The following RFC1 variants were observed in gnomAD, a reference collection of about 807,000 sequenced individuals.
RFC1 encodes A1 140 kDa subunit.
A neutral mutation model predicts 137.4 loss-of-function variants in RFC1; 37 were observed. The ratio of observed to expected loss-of-function variants is 0.27; its 90% CI spans 0.21 to 0.35. RFC1 has a LOEUF of 0.35. RFC1 is among the 10% of genes least tolerant of loss of function. The pLI, the probability that RFC1 is intolerant of heterozygous loss-of-function variation, is 1.00. For missense variants in RFC1, 1,205 were observed against 1,358.5 expected, an observed-to-expected ratio of 0.89 and a Z score of 1.78; for synonymous variants, 429 against 455.7, an observed-to-expected ratio of 0.94 and a Z score of 0.75.
intron 7 of RFC1, 155 bp from the exon 8 acceptor site, chr4:39,321,529 G>GCC (rs912003626): frequency 5.2e-6 from 3 of 581,386 alleles, no homozygotes; most frequent in Non-Finnish European, 8.9e-6. Context: ...AATTTCCAAG[G>GCC]CAAATGAGGC....
At chr4:39,316,267 A>C (rs1739237098) in intron 10 of RFC1, among the ~76,000 whole-genome samples, 1 of 152,140 alleles carries the variant, frequency 6.6e-6, no homozygotes, top group Non-Finnish European at 1.5e-5. Context: ...TCTTAGACAA[A>C]AGTCTTAAAC....
intron 2 of RFC1, among the ~76,000 whole-genome samples, chr4:39,350,340 T>C (rs1257193942): frequency 1.3e-5 from 2 of 152,110 alleles, no homozygotes; most frequent in East Asian, 1.9e-4. Flanking sequence ...GAAGAAATTA[T>C]AGCAAAATGT....
At chr4:39,304,637 C>T (rs1327179711) in intron 15 of RFC1, among the ~76,000 whole-genome samples, 177 bp downstream of exon 15, 1 of 152,124 alleles carries the variant, frequency 6.6e-6, no homozygotes, top group Non-Finnish European at 1.5e-5. Context: ...CTAAGACCTA[C>T]GAAAGGGTAA....
chr4:39,300,966 G>A (rs1329099565), intron 19 of RFC1, among the ~76,000 whole-genome samples: 1 of 151,828 alleles, frequency 6.6e-6, no homozygotes, highest in Non-Finnish European at 1.5e-5. Context: ...GGTGGCAGGT[G>A]CCTGTAACCC....
At chr4:39,299,610 C>CA (rs970461214) in intron 21 of RFC1, among the ~76,000 whole-genome samples, 1,481 of 39,738 alleles carry the variant, frequency 0.037, 22 homozygotes, top group African/African-American at 0.075. Flanking sequence ...AACACTGTCT[C>CA]AAAAAAAAAA....
intron 2 of RFC1, among the ~76,000 whole-genome samples, chr4:39,346,916 G>C (rs1401636584): frequency 6.6e-6 from 1 of 152,184 alleles, no homozygotes; most frequent in African/African-American, 2.4e-5. Context: ...AAGGTTAAAA[G>C]AATTGAATAA....
rs760838231 is a variant in RFC1, at chr4:39,288,756, T to G, written c.*5A>C. 3.8e-6 allele frequency: 6 copies of G among 1,597,560 alleles called. No homozygotes were observed. The highest frequency in any genetic ancestry group is 1.7e-5 in the Admixed American group (1 of 59,650). On this transcript the variant is annotated 3_prime_UTR_variant, in exon 25 of 25. Coordinates refer to ENST00000349703, the MANE Select transcript of RFC1 (RefSeq NM_002913.5). ...AAAAGTGGCTGTCGCTAGTGAAAAA[T>G]GGTTTCATTTCTTCGAACTTTTTCC...
chr4:39,354,749 C>CAAA (rs34342477), intron 1 of RFC1, among the ~76,000 whole-genome samples: 20 of 50,980 alleles, frequency 3.9e-4, no homozygotes, highest in South Asian at 9.4e-4. Context: ...GAAACTATCT[C>CAAA]AAAAAAAAAA....
chr4:39,336,851 G>A (rs566877280), intron 4 of RFC1, among the ~76,000 whole-genome samples: 6 of 152,088 alleles, frequency 3.9e-5, no homozygotes, highest in Non-Finnish European at 8.8e-5. Flanking sequence ...CTATATCCAG[G>A]GTGCTGATGA....
intron 1 of RFC1, among the ~76,000 whole-genome samples, chr4:39,356,790 A>T (rs1741501897): frequency 6.6e-6 from 1 of 152,254 alleles, no homozygotes; most frequent in African/African-American, 2.4e-5. Context: ...TTTTTAAAGA[A>T]ATCAGAAATA....
chr4:39,321,426 C>G, intron 7 of RFC1, 52 bp from the exon 8 acceptor site: 1 of 1,515,660 alleles, frequency 6.6e-7, no homozygotes, highest in Non-Finnish European at 9.1e-7. Context: ...AAAACTATTA[C>G]CATAAAATCT....
chr4:39,319,143 CTTA>C (rs1361619295), intron 9 of RFC1, among the ~76,000 whole-genome samples: 3 of 152,104 alleles, frequency 2.0e-5, no homozygotes, highest in Non-Finnish European at 4.4e-5. Context: ...TAAGATGGCA[CTTA>C]TTAGGTCCCA....
At chr4:39,300,484 C>T (rs573132487) in intron 19 of RFC1, 70 bp from the exon 20 acceptor site, 10 of 1,123,442 alleles carry the variant, frequency 8.9e-6, no homozygotes, top group South Asian at 2.7e-5. Context: ...CAAATGCTAA[C>T]GAGGATATGG....
intron 1 of RFC1, among the ~76,000 whole-genome samples, chr4:39,358,728 C>T (rs530190457): frequency 6.6e-6 from 1 of 152,160 alleles, no homozygotes; most frequent in Non-Finnish European, 1.5e-5. Flanking sequence ...ATATTTTCCA[C>T]GGAAATACGA....
chr4:39,353,348 C>T (rs751255316), intron 1 of RFC1, among the ~76,000 whole-genome samples: 6 of 118,256 alleles, frequency 5.1e-5, no homozygotes, highest in Non-Finnish European at 6.4e-5. Context: ...TGCAGTGTGG[C>T]GAGATTGTAC....
At chr4:39,349,973 C>T (rs547998786) in intron 2 of RFC1, among the ~76,000 whole-genome samples, 11 of 152,196 alleles carry the variant, frequency 7.2e-5, no homozygotes, top group African/African-American at 2.4e-4. Flanking sequence ...CATTGCACTC[C>T]AACCTGGGCA....
intron 2 of RFC1, among the ~76,000 whole-genome samples, chr4:39,350,532 T>G (rs1447917200): frequency 6.6e-6 from 1 of 152,156 alleles, no homozygotes; most frequent in Non-Finnish European, 1.5e-5. Context: ...CATCAATGAC[T>G]GGAGGCATCT....
At chr4:39,310,760 A>G (rs1738924087) in intron 12 of RFC1, among the ~76,000 whole-genome samples, 1 of 152,228 alleles carries the variant, frequency 6.6e-6, no homozygotes, top group African/African-American at 2.4e-5. Flanking sequence ...GTCCTAATAC[A>G]GTTCTAATTG....
intron 14 of RFC1, 111 bp downstream of exon 14, chr4:39,306,481 A>G: frequency 3.5e-6 from 2 of 576,392 alleles, no homozygotes; most frequent in South Asian, 4.1e-5. Flanking sequence ...CAGTTTATAT[A>G]TAGACACCAC....
Sources: gnomAD v4.1 joint callset for allele counts (sites outside exome capture counted in the v4.1 genomes callset) on GRCh38, gnomAD v4.1.1 for gene constraint, MANE v1.5 for transcripts, NCBI Gene and HGNC (gene_info 2026-07-23, HGNC 2026-07-21) for gene names.